CNTN4: variants seen among roughly 807,000 people sequenced by gnomAD.
CNTN4 encodes contactin 4, also known as contactin-4.
A neutral mutation model predicts 122.5 loss-of-function variants in CNTN4; 77 were observed. That is an observed-to-expected ratio of 0.63 (90% CI 0.52 to 0.76). CNTN4 has a LOEUF of 0.76. Ranked by LOEUF, CNTN4 falls within the 30% of genes least tolerant of loss-of-function variation. CNTN4 has a pLI of 0.00. For synonymous variants in CNTN4, 512 were observed against 447.0 expected (o/e 1.15, Z -1.83); for missense variants, 1,256 against 1,259.1 (o/e 1.00, Z 0.04).
At chr3:2,452,267 A>C (rs2048855245) in intron 3 of CNTN4, among the ~76,000 whole-genome samples, 1 of 152,172 alleles carries the variant, frequency 6.6e-6, no homozygotes, top group Non-Finnish European at 1.5e-5. Flanking sequence ...TTGGGAAGGA[A>C]GGTCTCTGCA....
chr3:2,817,320 C>T (rs181339687), intron 6 of CNTN4, among the ~76,000 whole-genome samples: 34 of 152,286 alleles, frequency 2.2e-4, no homozygotes, highest in Non-Finnish European at 4.9e-4. Flanking sequence ...TGTAGACCTG[C>T]CCATGGTCAA....
At chr3:2,110,872 C>A (rs1370312567) in intron 2 of CNTN4, among the ~76,000 whole-genome samples, 1 of 152,078 alleles carries the variant, frequency 6.6e-6, no homozygotes, top group Non-Finnish European at 1.5e-5. Context: ...TAGAAAATAA[C>A]CTGCTTTGAT....
At chr3:2,364,594 C>T (rs566562325) in intron 3 of CNTN4, among the ~76,000 whole-genome samples, 157 of 151,462 alleles carry the variant, frequency 1.0e-3, no homozygotes, top group Non-Finnish European at 1.6e-3. Context: ...TAGTTGAGTC[C>T]CCGGAGAACA....
intron 2 of CNTN4, among the ~76,000 whole-genome samples, chr3:2,311,660 C>T (rs898776125): frequency 6.6e-6 from 1 of 152,054 alleles, no homozygotes; most frequent in Non-Finnish European, 1.5e-5. Flanking sequence ...ACTGATCCGG[C>T]ATGCTAAGAG....
At position 2,934,331 on chromosome 3, in the gene CNTN4, T is replaced by C. The variant is rs2151448993; in HGVS notation, c.1358+8552T>C. 1.3e-5 allele frequency among the ~76,000 whole-genome samples: 2 copies of C among 152,382 alleles called. 1 individual carries two copies. On this transcript the variant is annotated intron_variant, in intron 13 of 24. Coordinates refer to ENST00000418658, the MANE Select transcript of CNTN4 (RefSeq NM_175607.3). ...GAATGAAATTCATGCTCATGTGTCTTGTCTATAGACACTGGTATCTGCCTC... is the reference window on the plus strand; with the variant it reads ...GAATGAAATTCATGCTCATGTGTCTCGTCTATAGACACTGGTATCTGCCTC...
chr3:2,280,058 T>A (rs2041660855), intron 2 of CNTN4, among the ~76,000 whole-genome samples: 1 of 149,102 alleles, frequency 6.7e-6, no homozygotes, highest in Non-Finnish European at 1.5e-5. Flanking sequence ...AGTATTCTTT[T>A]TTGATCAGGT....
At chr3:2,353,608 G>C (rs1200153216) in intron 3 of CNTN4, among the ~76,000 whole-genome samples, 1 of 152,018 alleles carries the variant, frequency 6.6e-6, no homozygotes, top group African/African-American at 2.4e-5. Context: ...CTGGACGGGA[G>C]GAATGAACAA....
chr3:2,144,720 G>T (rs567142746), intron 2 of CNTN4, among the ~76,000 whole-genome samples: 48 of 152,192 alleles, frequency 3.2e-4, no homozygotes, highest in African/African-American at 1.0e-3. Context: ...ATATAAACCA[G>T]TGCCCAGCAC....
At chr3:2,147,739 T>C (rs536338461) in intron 2 of CNTN4, among the ~76,000 whole-genome samples, 3 of 152,342 alleles carry the variant, frequency 2.0e-5, no homozygotes, top group African/African-American at 7.2e-5. Flanking sequence ...AATTCTAGTC[T>C]ACCTTTGGAG....
intron 12 of CNTN4, among the ~76,000 whole-genome samples, chr3:2,907,758 C>G (rs572340847): frequency 3.3e-5 from 5 of 152,028 alleles, no homozygotes; most frequent in Non-Finnish European, 7.4e-5. Context: ...AGGTTTTTCC[C>G]TTGGTTTTAT....
chr3:2,877,603 C>T (rs1452075005), intron 8 of CNTN4, among the ~76,000 whole-genome samples: 4 of 152,298 alleles, frequency 2.6e-5, no homozygotes, highest in African/African-American at 9.6e-5. Flanking sequence ...GTGTTCCTTA[C>T]TTCTACTTTG....
chr3:2,897,852 A>C (rs1018917651), intron 10 of CNTN4, among the ~76,000 whole-genome samples: 13 of 152,220 alleles, frequency 8.5e-5, no homozygotes, highest in Non-Finnish European at 1.8e-4. Flanking sequence ...GGGATGTTCA[A>C]CCTGTGTTTA....
chr3:2,435,137 G>A (rs1355740493), intron 3 of CNTN4, among the ~76,000 whole-genome samples: 1 of 152,102 alleles, frequency 6.6e-6, no homozygotes, highest in African/African-American at 2.4e-5. Context: ...ATGATTGTGT[G>A]TATTATTAAA....
At chr3:2,377,326 A>G (rs1431508712) in intron 3 of CNTN4, among the ~76,000 whole-genome samples, 7 of 152,312 alleles carry the variant, frequency 4.6e-5, no homozygotes, top group Middle Eastern at 3.4e-3. Flanking sequence ...TATGAGTGCT[A>G]TCTTCAGCAG....
At chr3:2,352,172 T>C (rs7611405) in intron 3 of CNTN4, among the ~76,000 whole-genome samples, 13,784 of 151,880 alleles carry the variant, frequency 0.091, 1,060 homozygotes, top group African/African-American at 0.21. Context: ...GGGTGGATCA[T>C]GAGGTCAGGA....
At chr3:2,930,999 G>A (rs1399977826) in intron 13 of CNTN4, among the ~76,000 whole-genome samples, 7 of 152,210 alleles carry the variant, frequency 4.6e-5, no homozygotes, top group Admixed American at 4.6e-4. Context: ...TATGTCTGTG[G>A]AGTTTAGACT....
At chr3:2,190,833 CAT>C (rs1491449271) in intron 2 of CNTN4, among the ~76,000 whole-genome samples, 14 of 147,668 alleles carry the variant, frequency 9.5e-5, no homozygotes, top group South Asian at 2.1e-4. Flanking sequence ...CACACACACA[CAT>C]ACACACACAC....
At chr3:2,313,222 G>A (rs1031594890) in intron 2 of CNTN4, among the ~76,000 whole-genome samples, 2 of 151,890 alleles carry the variant, frequency 1.3e-5, no homozygotes, top group Non-Finnish European at 2.9e-5. Context: ...CTGTTTAAAC[G>A]TCTTGTACAG....
intron 6 of CNTN4, among the ~76,000 whole-genome samples, chr3:2,766,740 A>G (rs1205085718): frequency 6.6e-6 from 1 of 152,154 alleles, no homozygotes; most frequent in Admixed American, 6.5e-5. Flanking sequence ...CCCAAATCCT[A>G]TGGAAATAAA....
Sources: allele counts gnomAD v4.1 joint callset (sites outside exome capture counted in the v4.1 genomes callset), GRCh38; gene constraint gnomAD v4.1.1; transcripts MANE v1.5; gene names NCBI Gene and HGNC (gene_info 2026-07-23, HGNC 2026-07-21).